The following RPA1 variants were observed in gnomAD, a reference collection of about 807,000 sequenced individuals.
The protein encoded by RPA1 is replication protein A1.
RPA1 carries 49 observed loss-of-function variants against 83.0 expected under a neutral mutation model. The observed-to-expected ratio is 0.59, with a 90% CI of 0.47 to 0.75. The LOEUF (loss-of-function observed/expected upper bound fraction) is 0.75. RPA1 is among the 30% of genes least tolerant of loss of function. The pLI is 0.00. For synonymous variants in RPA1, 279 were observed against 281.8 expected, an observed-to-expected ratio of 0.99 and a Z score of 0.10; for missense variants, 693 against 776.1, an observed-to-expected ratio of 0.89 and a Z score of 1.27.
At chr17:1,885,796 T>C (rs1178789710) in intron 13 of RPA1, among the ~76,000 whole-genome samples, 1 of 152,188 alleles carries the variant, frequency 6.6e-6, no homozygotes, top group African/African-American at 2.4e-5. Context: ...CAATTTACTT[T>C]CCCCAGATCC....
intron 8 of RPA1, among the ~76,000 whole-genome samples, chr17:1,878,479 A>AGT (rs1913648629): frequency 1.3e-5 from 2 of 152,190 alleles, no homozygotes; most frequent in Non-Finnish European, 2.9e-5. Context: ...TTTGGCTGAC[A>AGT]GAAAAGCAAA....
At position 1,830,083 on chromosome 17, in the gene RPA1, G is replaced by T. The variant is rs961454811; in HGVS notation, c.-11G>T. The T allele has an allele frequency of 1.3e-4, 157 of 1,250,038 alleles. No individual in the cohort carries two copies. The highest frequency in any genetic ancestry group is 1.6e-4 in the Non-Finnish European group (154 of 988,684). The allele number at this position is 1,250,038 out of a possible 1,614,324, so 77.4% of individuals were successfully genotyped here. On this transcript the variant is annotated 5_prime_UTR_variant, in exon 1 of 17. Coordinates refer to ENST00000254719, the MANE Select transcript of RPA1 (RefSeq NM_002945.5). Reference sequence around the variant, plus strand: ...TTGCGGGGTCCGCGGGGAAGTCTTGGCGGTGGAGCCATGGTCGGCCAACTG... The same window carrying T: ...TTGCGGGGTCCGCGGGGAAGTCTTGTCGGTGGAGCCATGGTCGGCCAACTG...
At chr17:1,845,768 GA>G (rs548207414) in intron 4 of RPA1, among the ~76,000 whole-genome samples, 22 of 151,982 alleles carry the variant, frequency 1.4e-4, no homozygotes, top group African/African-American at 4.8e-4. Context: ...TTGTCTCTAC[GA>G]AAAAAAGGAA....
At chr17:1,872,373 A>G in intron 5 of RPA1, 61 bp from the exon 6 acceptor site, 1 of 1,582,280 alleles carries the variant, frequency 6.3e-7, no homozygotes, top group Non-Finnish European at 8.6e-7. Context: ...CTTCTACCCA[A>G]GTTTAAATCT....
chr17:1,854,797 A>AT (rs1422031826), intron 5 of RPA1, among the ~76,000 whole-genome samples: 6 of 152,162 alleles, frequency 3.9e-5, no homozygotes, highest in South Asian at 2.1e-4. Context: ...TATTTATTGA[A>AT]TTTTTTTACA....
chr17:1,852,785 T>A (rs769130538), intron 4 of RPA1, among the ~76,000 whole-genome samples: 7 of 152,258 alleles, frequency 4.6e-5, no homozygotes, highest in Non-Finnish European at 8.8e-5. Flanking sequence ...AGTATGTGTT[T>A]CTGAAAACAG....
intron 5 of RPA1, among the ~76,000 whole-genome samples, chr17:1,856,555 T>C (rs888102609): frequency 7.2e-5 from 11 of 152,116 alleles, no homozygotes; most frequent in Non-Finnish European, 8.8e-5. Flanking sequence ...GCTGAGATCA[T>C]GCCACGGGCA....
chr17:1,897,090 C>T lies in RPA1; in HGVS notation c.1766C>T (p.Ala589Val). The T allele has an allele frequency of 6.4e-7, 1 of 1,573,022 alleles. No homozygotes were observed. The highest frequency in any genetic ancestry group is 8.6e-7 in the Non-Finnish European group (1 of 1,158,806). Residue 589 changes from alanine to valine, a missense_variant, in exon 17 of 17, where the codon GCC (alanine) becomes GTC (valine). Coordinates refer to ENST00000254719, the MANE Select transcript of RPA1 (RefSeq NM_002945.5). Reference protein sequence around the residue: ...ETYNDESRIKATVMDVKPVDY... With the variant: ...ETYNDESRIKVTVMDVKPVDY... Reference sequence around the variant, plus strand: ...TTGAAGGACGAGTCTCGAATTAAGGCCACTGTGATGGACGTGAAGCCCGTG... The same window carrying T: ...TTGAAGGACGAGTCTCGAATTAAGGTCACTGTGATGGACGTGAAGCCCGTG...
intron 1 of RPA1, among the ~76,000 whole-genome samples, chr17:1,838,835 CTTTA>C (rs969706453): frequency 9.2e-5 from 14 of 151,898 alleles, no homozygotes; most frequent in African/African-American, 1.7e-4. Context: ...TACTTAGTCA[CTTTA>C]TTTATTTATT....
chr17:1,894,251 C>T (rs1228256524), intron 15 of RPA1, among the ~76,000 whole-genome samples: 2 of 151,908 alleles, frequency 1.3e-5, no homozygotes, highest in Admixed American at 1.3e-4. Context: ...ACTGTAGCCT[C>T]CGCCTCTCAG....
intron 5 of RPA1, among the ~76,000 whole-genome samples, chr17:1,861,951 G>A (rs911546076): frequency 4.6e-5 from 7 of 151,828 alleles, no homozygotes; most frequent in African/African-American, 1.7e-4. Flanking sequence ...CCAGGCTGGA[G>A]TGCAGTGGCG....
chr17:1,839,286 G>C (rs1911947775), intron 1 of RPA1, among the ~76,000 whole-genome samples: 1 of 151,988 alleles, frequency 6.6e-6, no homozygotes, highest in Non-Finnish European at 1.5e-5. Flanking sequence ...AGTAAATCTT[G>C]AAATCTGGCA....
At position 1,842,149 on chromosome 17, in the gene RPA1, A is replaced by G. The variant is rs116387805; in HGVS notation, c.34-654A>G. Among the ~76,000 whole-genome samples the G allele has an allele frequency of 4.8e-3, 726 of 152,058 alleles. 4 individuals are homozygous for G. Among genetic ancestry groups the G allele is most frequent in the African/African-American group, 0.012 (495 of 41,490 alleles). On this transcript the variant is annotated intron_variant, in intron 1 of 16. Transcript: ENST00000254719. ...TAGGATTATAGGCATGAACCTCTGC[A>G]TGGGGTGGTCTTTGTTTTTTTTTCT...
At chr17:1,838,688 T>C (rs930122858) in intron 1 of RPA1, among the ~76,000 whole-genome samples, 1 of 152,134 alleles carries the variant, frequency 6.6e-6, no homozygotes, top group Non-Finnish European at 1.5e-5. Context: ...AGAAGTTTTA[T>C]AGTTTTCGCT....
chr17:1,856,177 T>G (rs894020638), intron 5 of RPA1, among the ~76,000 whole-genome samples: 1 of 151,596 alleles, frequency 6.6e-6, no homozygotes, highest in Non-Finnish European at 1.5e-5. Flanking sequence ...TACAAAAAAT[T>G]AGCTGGATGT....
chr17:1,839,009 C>G (rs1444918369), intron 1 of RPA1, among the ~76,000 whole-genome samples: 1 of 152,044 alleles, frequency 6.6e-6, no homozygotes, highest in Non-Finnish European at 1.5e-5. Context: ...CGCCACCATG[C>G]CCGGCTAATT....
intron 1 of RPA1, 139 bp downstream of exon 1, chr17:1,830,265 C>T (rs1272873009): frequency 2.6e-5 from 14 of 547,138 alleles, no homozygotes; most frequent in Non-Finnish European, 3.0e-5. Context: ...GGTGGGGACC[C>T]GCCGGGCGTC....
chr17:1,875,056 G>A (rs1567819175), intron 6 of RPA1, among the ~76,000 whole-genome samples: 1 of 152,202 alleles, frequency 6.6e-6, no homozygotes, highest in African/African-American at 2.4e-5. Context: ...GATTAAGGAG[G>A]CGGAAGGGTC....
rs1914567351 is a variant in RPA1, at chr17:1,899,352, TG to T, written c.*2178del. The T allele has an allele frequency of 6.6e-6, 1 of 152,584 alleles. No homozygotes were observed. Among genetic ancestry groups the T allele is most frequent in the Non-Finnish European group, 1.5e-5 (1 of 68,050 alleles). 9.5% of individuals were successfully genotyped at this position (152,584 alleles called of 1,614,324 possible). A position where few individuals can be genotyped will look rare whatever the true frequency, so the allele number is the denominator to read the frequency against. Reference sequence around the variant, plus strand: ...TTCTCCTCTTTCACTTAGAGATCAATGTTGATTTTGCGTACACCATGACATC... The same window carrying T: ...TTCTCCTCTTTCACTTAGAGATCAATTTGATTTTGCGTACACCATGACATC... On this transcript the variant is annotated 3_prime_UTR_variant, in exon 17 of 17. Coordinates refer to ENST00000254719, the MANE Select transcript of RPA1 (RefSeq NM_002945.5).
Sources: gnomAD v4.1 joint callset for allele counts (sites outside exome capture counted in the v4.1 genomes callset) on GRCh38, gnomAD v4.1.1 for gene constraint, MANE v1.5 for transcripts, NCBI Gene and HGNC (gene_info 2026-07-23, HGNC 2026-07-21) for gene names.